Variants in DPH6 observed in about 807,000 individuals in gnomAD.
The protein encoded by DPH6 is diphthamine biosynthesis 6.
In DPH6, 33 loss-of-function variants were observed where a neutral mutation model predicts 38.2. The observed-to-expected ratio is 0.86, with a 90% confidence interval of 0.65 to 1.15. The LOEUF is 1.15. DPH6 is among the 50% of genes most tolerant of loss of function. The pLI, the probability that DPH6 is intolerant of heterozygous loss-of-function variation, is 0.00. For synonymous variants in DPH6, 108 were observed against 103.0 expected (o/e 1.05, Z -0.30); for missense variants, 325 against 320.0 (o/e 1.02, Z -0.12).
intron 3 of DPH6, among the ~76,000 whole-genome samples, chr15:35,486,330 T>C (rs142131684): frequency 2.8e-3 from 421 of 151,928 alleles, no homozygotes; most frequent in Admixed American, 6.9e-3. Flanking sequence ...AGGTGAGATT[T>C]TGGGTGGCGA....
At position 35,238,075 on chromosome 15, in the gene DPH6, T is replaced by G; in HGVS notation, n.201-17493A>C. Reference sequence around the variant, plus strand: ...AAGATGATGACTAAGTGGAATAACCTATTTTGAAAAATTCCTATTGTGATT... The same window carrying G: ...AAGATGATGACTAAGTGGAATAACCGATTTTGAAAAATTCCTATTGTGATT... On this transcript the variant is annotated intron_variant and non_coding_transcript_variant, in intron 3 of 3. Coordinates refer to the DPH6 transcript ENST00000560386. 3.2e-6 allele frequency: 5 copies of G among 1,546,996 alleles called. No homozygotes were observed. In the South Asian group the frequency reaches 5.6e-5, roughly 17 times the overall value.
chr15:35,191,827 C>A, the DPH6 span, among the ~76,000 whole-genome samples: 83 of 152,320 alleles, frequency 5.4e-4, 2 homozygotes, highest in South Asian at 0.017. Context: ...CCTCATTTAT[C>A]ATGATTGCTT....
At chr15:35,198,384 G>A in the DPH6 span, among the ~76,000 whole-genome samples, 7 of 152,108 alleles carry the variant, frequency 4.6e-5, no homozygotes, top group Non-Finnish European at 8.8e-5. Context: ...TATGCATGAA[G>A]CTAATTGCTT....
chr15:35,334,587 G>GT (rs1465722038), intron 3 of DPH6, among the ~76,000 whole-genome samples: 17 of 151,882 alleles, frequency 1.1e-4, no homozygotes, highest in Admixed American at 7.9e-4. Flanking sequence ...CCCTGTGTGT[G>GT]TTGTTCCCCA....
rs531144342 is a variant in DPH6, at chr15:35,434,217, C to T, written c.505+16468G>A. Among the ~76,000 whole-genome samples, 16 of 152,176 alleles carry T rather than the reference C, an allele frequency of 1.1e-4. No individual in the cohort carries two copies. In the South Asian group the frequency reaches 2.5e-3, roughly 24 times the overall value. On this transcript the variant is annotated intron_variant, in intron 5 of 8. Coordinates refer to ENST00000256538, the MANE Select transcript of DPH6 (RefSeq NM_080650.4). ...ACCTAATACGACTAGGTCTCTGGTC[C>T]ACTTATAGGCCTAGTCTCTTCAATT... is the stretch of plus-strand genomic sequence containing the variant.
chr15:35,402,034 G>GT (rs2053227161), intron 6 of DPH6, among the ~76,000 whole-genome samples: 1 of 152,202 alleles, frequency 6.6e-6, no homozygotes, highest in South Asian at 2.1e-4. Flanking sequence ...CAATGTAGAT[G>GT]TTTTTTTGTG....
At chr15:35,528,099 C>T (rs754074375) in intron 3 of DPH6, among the ~76,000 whole-genome samples, 2 of 152,032 alleles carry the variant, frequency 1.3e-5, no homozygotes, top group Non-Finnish European at 2.9e-5. Context: ...AAAAATAATG[C>T]AATAATTTGA....
At chr15:35,454,691 A>T in intron 4 of DPH6, 56 bp downstream of exon 4, 7 of 1,405,698 alleles carry the variant, frequency 5.0e-6, no homozygotes, top group Non-Finnish European at 7.0e-6. Context: ...TTTTTCACTT[A>T]TTCACATTCT....
chr15:35,337,535 TACAA>T (rs2052383309), intron 3 of DPH6, among the ~76,000 whole-genome samples: 1 of 151,234 alleles, frequency 6.6e-6, no homozygotes, highest in South Asian at 2.1e-4. Context: ...TAAAACAGGA[TACAA>T]ACAAATGGAA....
intron 3 of DPH6, among the ~76,000 whole-genome samples, chr15:35,486,903 G>C (rs145521186): frequency 6.6e-6 from 1 of 152,190 alleles, no homozygotes; most frequent in East Asian, 1.9e-4. Context: ...CGGGGGTACA[G>C]GCATTGGGTA....
intron 6 of DPH6, among the ~76,000 whole-genome samples, chr15:35,394,834 CTAATTT>C (rs1176773276): frequency 6.6e-6 from 1 of 152,130 alleles, no homozygotes; most frequent in Non-Finnish European, 1.5e-5. Flanking sequence ...AAAGGGGCTG[CTAATTT>C]TATTTTTTAC....
At chr15:35,416,672 T>TTATCTGAA (rs2141004877) in intron 5 of DPH6, among the ~76,000 whole-genome samples, 1 of 152,190 alleles carries the variant, frequency 6.6e-6, no homozygotes, top group East Asian at 1.9e-4. Flanking sequence ...GCTGGTTACT[T>TTATCTGAA]TATCTGAATA....
intron 3 of DPH6, among the ~76,000 whole-genome samples, chr15:35,287,579 A>G (rs1353815629): frequency 2.0e-5 from 3 of 152,190 alleles, no homozygotes; most frequent in African/African-American, 7.2e-5. Flanking sequence ...TAGTTTTCAT[A>G]AAACCTAATT....
At chr15:35,376,443 T>A (rs1424742625) in intron 7 of DPH6, among the ~76,000 whole-genome samples, 5 of 152,092 alleles carry the variant, frequency 3.3e-5, no homozygotes, top group Non-Finnish European at 5.9e-5. Flanking sequence ...AAGATCATAA[T>A]GGAGCTGAAA....
At chr15:35,281,892 AT>A (rs1304950949) in intron 3 of DPH6, among the ~76,000 whole-genome samples, 2 of 152,106 alleles carry the variant, frequency 1.3e-5, no homozygotes, top group African/African-American at 2.4e-5. Flanking sequence ...AAATTGTTTG[AT>A]TTTTTTGTTT....
chr15:35,174,026 T>C, the DPH6 span, among the ~76,000 whole-genome samples: 2 of 152,198 alleles, frequency 1.3e-5, no homozygotes, highest in African/African-American at 4.8e-5. Flanking sequence ...TCCATGGAGC[T>C]TGCATTCTTC....
chr15:35,255,963 T>C (rs2051705460), intron 3 of DPH6, among the ~76,000 whole-genome samples: 1 of 152,024 alleles, frequency 6.6e-6, no homozygotes, highest in African/African-American at 2.4e-5. Flanking sequence ...AATTGACTTA[T>C]AAATAAATAT....
chr15:35,468,091 T>C (rs975671065), intron 3 of DPH6, among the ~76,000 whole-genome samples: 1 of 152,236 alleles, frequency 6.6e-6, no homozygotes, highest in Non-Finnish European at 1.5e-5. Flanking sequence ...TGGATACAAG[T>C]AAGGCTATTT....
intron 3 of DPH6, among the ~76,000 whole-genome samples, chr15:35,339,806 A>G (rs2052406344): frequency 6.6e-6 from 1 of 152,132 alleles, no homozygotes; most frequent in African/African-American, 2.4e-5. Flanking sequence ...ACTTCCGATT[A>G]TGTGATCAAC....
Sources: gnomAD v4.1 joint callset for allele counts (sites outside exome capture counted in the v4.1 genomes callset) on GRCh38, gnomAD v4.1.1 for gene constraint, MANE v1.5 for transcripts, NCBI Gene and HGNC (gene_info 2026-07-23, HGNC 2026-07-21) for gene names.